The following GUCA2B variants were observed in gnomAD, a reference collection of about 807,000 sequenced individuals.
GUCA2B encodes prepro-uroguanylin.
Under a neutral mutation model 11.1 loss-of-function variants are expected in GUCA2B, and 7 were observed. That is an observed-to-expected ratio of 0.63 (90% CI 0.36 to 1.18). The LOEUF is 1.18. Ranked by LOEUF, GUCA2B falls within the 50% of genes most tolerant of loss-of-function variation. GUCA2B has a pLI of 0.02. For synonymous variants in GUCA2B, 69 were observed against 65.3 expected, an observed-to-expected ratio of 1.06 and a Z score of -0.27; for missense variants, 140 against 142.5, an observed-to-expected ratio of 0.98 and a Z score of 0.09.
Position 42,153,502 on chromosome 1 carries a change from C to T in GUCA2B, c.52C>T (p.Leu18=). ...CCTGCCAGGAGTGGCCGTGGTCCTCCTGCTGCTGCTGCAGAGCACACAGTC... is the reference window on the plus strand; with the variant it reads ...CCTGCCAGGAGTGGCCGTGGTCCTCTTGCTGCTGCTGCAGAGCACACAGTC... The part of the protein sequence containing the change: ...GLLPGVAVVL[L]LLLQSTQSVY... Residue 18 remains leucine (L), a synonymous_variant, in exon 1 of 3, where the codon CTG becomes TTG. Coordinates refer to ENST00000372581, the MANE Select transcript of GUCA2B (RefSeq NM_007102.3). The T allele has an allele frequency of 6.2e-7, 1 of 1,604,866 alleles. No homozygotes were observed. Among genetic ancestry groups the T allele is most frequent in the Non-Finnish European group, 8.5e-7 (1 of 1,173,498 alleles).
Position 42,154,838 on chromosome 1 carries a change from G to A in GUCA2B, c.249G>A (p.Gln83=). 1 of 1,613,680 alleles carries A rather than the reference G, an allele frequency of 6.2e-7. No homozygotes were observed. Among genetic ancestry groups the A allele is most frequent in the Non-Finnish European group, 8.5e-7 (1 of 1,179,784 alleles). Reference sequence around the variant, plus strand: ...ACCTTCAGCCTGTCTGCGCCTCGCAGGAGGCTTCCAGCATCTTCAAGACCC... The same window carrying A: ...ACCTTCAGCCTGTCTGCGCCTCGCAAGAGGCTTCCAGCATCTTCAAGACCC... ...PQDLQPVCAS[Q]EASSIFKTLR... The change falls in exon 2 of 3, where the codon CAG becomes CAA. Residue 83 remains glutamine (Q), a synonymous_variant. Transcript: ENST00000372581.
chr1:42,154,784 C>T lies in GUCA2B; in HGVS notation c.195C>T (p.Ala65=), dbSNP rs1015809527. 2.3e-5 allele frequency: 37 copies of T among 1,614,126 alleles called. No homozygotes were observed. The African/African-American group carries it at 2.9e-4, about 13-fold the overall frequency. Residue 65 remains alanine (A), a synonymous_variant, in exon 2 of 3, where the codon GCC becomes GCT. Coordinates refer to ENST00000372581, the MANE Select transcript of GUCA2B (RefSeq NM_007102.3). ...PRLQAQSLLP[A]VCHHPALPQD... ...TGCAGGCCCAGAGCCTCCTGCCCGC[C>T]GTGTGCCACCACCCTGCTCTGCCTC...
At position 42,155,779 on chromosome 1, in the gene GUCA2B, G is replaced by A. The variant is rs1646106830; in HGVS notation, c.*183G>A. The A allele has an allele frequency of 1.6e-6, 1 of 631,670 alleles. No individual in the cohort carries two copies. The highest frequency in any genetic ancestry group is 2.9e-6 in the Non-Finnish European group (1 of 348,842). 39.1% of individuals were successfully genotyped at this position (631,670 alleles called of 1,614,324 possible). ...ATCGGACATAGAGTTGGAGGGGGAGGCCCCTGAGGCAGCCCAGCTCCTGAA... is the reference window on the plus strand; with the variant it reads ...ATCGGACATAGAGTTGGAGGGGGAGACCCCTGAGGCAGCCCAGCTCCTGAA... On this transcript the variant is annotated 3_prime_UTR_variant, in exon 3 of 3. Transcript: ENST00000372581.
At chr1:42,154,147 C>T (rs753465770) in intron 1 of GUCA2B, among the ~76,000 whole-genome samples, 98 of 152,160 alleles carry the variant, frequency 6.4e-4, no homozygotes, top group Non-Finnish European at 1.0e-3. Flanking sequence ...CTGCTGGCCT[C>T]GCCCAGCATA....
Position 42,153,472 on chromosome 1 carries a change from G to T in GUCA2B, c.22G>T (p.Gly8Trp). The change falls in exon 1 of 3, where the codon GGG becomes TGG. Residue 8 changes from glycine (G) to tryptophan (W), a missense_variant. Coordinates refer to ENST00000372581, the MANE Select transcript of GUCA2B (RefSeq NM_007102.3). ...CGCGATGGGCTGCAGGGCTGCATCA[G>T]GGCTCCTGCCAGGAGTGGCCGTGGT... is the stretch of plus-strand genomic sequence containing the variant. MGCRAAS[G>W]LLPGVAVVLL... The T allele has an allele frequency of 6.2e-7, 1 of 1,612,302 alleles. No individual in the cohort carries two copies.
rs2124014241 is a variant in GUCA2B, at chr1:42,155,698, C to A, written c.*102C>A. Reference sequence around the variant, plus strand: ...TCCATGCTCAAGATGGGTCCCTGGCCACCATGGTCATCACCACCCTTCCAG... The same window carrying A: ...TCCATGCTCAAGATGGGTCCCTGGCAACCATGGTCATCACCACCCTTCCAG... On this transcript the variant is annotated 3_prime_UTR_variant, in exon 3 of 3. Coordinates refer to ENST00000372581, the MANE Select transcript of GUCA2B (RefSeq NM_007102.3). The A allele has an allele frequency of 1.1e-6, 1 of 884,682 alleles. No individual in the cohort carries two copies. The highest frequency in any genetic ancestry group is 1.9e-6 in the Non-Finnish European group (1 of 520,410). 54.8% of individuals were successfully genotyped at this position (884,682 alleles called of 1,614,324 possible). A position where few individuals can be genotyped will look rare whatever the true frequency, so the allele number is the denominator to read the frequency against.
intron 1 of GUCA2B, 145 bp downstream of exon 1, chr1:42,153,685 C>A (rs1569688661): frequency 4.9e-6 from 3 of 616,722 alleles, no homozygotes; most frequent in East Asian, 5.5e-5. Flanking sequence ...GCCCAGAGAC[C>A]AAGGCAGCTG....
chr1:42,155,259 T>C (rs534827555), intron 2 of GUCA2B, among the ~76,000 whole-genome samples: 7 of 152,322 alleles, frequency 4.6e-5, no homozygotes, highest in Non-Finnish European at 5.9e-5. Flanking sequence ...GAGCACCTAC[T>C]GTGTGCCGGG....
Position 42,153,558 on chromosome 1 carries a change from C to G in GUCA2B, c.90+18C>G, listed in dbSNP as rs542338728. The G allele has an allele frequency of 3.8e-6, 6 of 1,570,994 alleles. No individual in the cohort carries two copies. The highest frequency in any genetic ancestry group is 5.2e-6 in the Non-Finnish European group (6 of 1,143,392). On this transcript the variant is annotated intron_variant, in intron 1 of 2. Coordinates refer to ENST00000372581, the MANE Select transcript of GUCA2B (RefSeq NM_007102.3). ...ACATCCAGGTGAGTCCCTTGGCCAG[C>G]GTTCCCTTTGCCTGAAGGGCCCCAT...
In GUCA2B at chr1:42,155,740, T is replaced by C; in HGVS notation, c.*144T>C. 2 of 724,372 alleles carry C rather than the reference T, an allele frequency of 2.8e-6. No individual in the cohort carries two copies. The highest frequency in any genetic ancestry group is 5.0e-6 in the Non-Finnish European group (2 of 401,294). The allele number at this position is 724,372 out of a possible 1,614,324, so 44.9% of individuals were successfully genotyped here. On this transcript the variant is annotated 3_prime_UTR_variant, in exon 3 of 3. Transcript: ENST00000372581. ...CCCTTCCAGGGCCTGAGCAGCTGGA[T>C]CTGGTACAAAGCAATCGGACATAGA...
chr1:42,154,544 T>C (rs1358771041), intron 1 of GUCA2B, 136 bp from the exon 2 acceptor site: 9 of 714,132 alleles, frequency 1.3e-5, no homozygotes, highest in Non-Finnish European at 2.0e-5. Flanking sequence ...CTCTTTCCAG[T>C]GTGGCCCTGG....
rs55964622 is a variant in GUCA2B at position 42,153,894 on chromosome 1, A to T, written c.90+354A>T. Among the ~76,000 whole-genome samples, 904 of 152,272 alleles carry T rather than the reference A, an allele frequency of 5.9e-3. 8 individuals are homozygous for T. Among genetic ancestry groups the T allele is most frequent in the Non-Finnish European group, 9.9e-3 (671 of 68,016 alleles). On this transcript the variant is annotated intron_variant, in intron 1 of 2. Transcript: ENST00000372581. ...CTCCCACAGTTCCGTATATTCACCC[A>T]CATGTAGGTGGAGGAGGACAGGCTC...
intron 1 of GUCA2B, 31 bp from the exon 2 acceptor site, chr1:42,154,649 C>T (rs1646099737): frequency 1.9e-6 from 3 of 1,594,876 alleles, no homozygotes; most frequent in Admixed American, 3.3e-5. Flanking sequence ...CAGGTCTTGA[C>T]CTGCTCCTAT....
intron 1 of GUCA2B, among the ~76,000 whole-genome samples, chr1:42,153,877 G>A (rs1439424979): frequency 6.6e-6 from 1 of 152,212 alleles, no homozygotes; most frequent in East Asian, 1.9e-4. Flanking sequence ...TGCTCCCACA[G>A]TTCCGTATAT....
At position 42,153,538 on chromosome 1, in the gene GUCA2B, C is replaced by A. The variant is rs200093320; in HGVS notation, c.88C>A (p.Gln30Lys). ...LLQSTQSVYI[Q>K]YQGFRVQLES... ...GCAGAGCACACAGTCAGTCTACATC[C>A]AGGTGAGTCCCTTGGCCAGCGTTCC... Residue 30 changes from glutamine to lysine, a missense_variant and splice_region_variant, in exon 1 of 3, where the codon CAG (glutamine) becomes AAG (lysine). By Grantham distance (53) the Gln-to-Lys change is moderately conservative. Coordinates refer to ENST00000372581, the MANE Select transcript of GUCA2B (RefSeq NM_007102.3). 5.7e-5 allele frequency: 91 copies of A among 1,606,932 alleles called. 1 individual carries two copies. The East Asian group carries it at 1.9e-3, about 33-fold the overall frequency.
Position 42,153,927 on chromosome 1 carries a change from A to T in GUCA2B, c.90+387A>T, listed in dbSNP as rs956897175. On this transcript the variant is annotated intron_variant, in intron 1 of 2. Coordinates refer to ENST00000372581, the MANE Select transcript of GUCA2B (RefSeq NM_007102.3). ...GTGGAGGAGGACAGGCTCCAGAAAA[A>T]TTTTCCTGAGAAGTAACCCTTGAGC... Among the ~76,000 whole-genome samples, 55 of 152,026 alleles carry T rather than the reference A, an allele frequency of 3.6e-4. 1 individual carries two copies. The highest frequency in any genetic ancestry group is 2.0e-4 in the Admixed American group (3 of 15,284).
Position 42,155,757 on chromosome 1 carries a change from G to C in GUCA2B, c.*161G>C. The C allele has an allele frequency of 1.5e-6, 1 of 674,780 alleles. No individual in the cohort carries two copies. Among genetic ancestry groups the C allele is most frequent in the Non-Finnish European group, 2.7e-6 (1 of 371,888 alleles). The allele number at this position is 674,780 out of a possible 1,614,324, so 41.8% of individuals were successfully genotyped here. Reference sequence around the variant, plus strand: ...CAGCTGGATCTGGTACAAAGCAATCGGACATAGAGTTGGAGGGGGAGGCCC... The same window carrying C: ...CAGCTGGATCTGGTACAAAGCAATCCGACATAGAGTTGGAGGGGGAGGCCC... On this transcript the variant is annotated 3_prime_UTR_variant, in exon 3 of 3. Coordinates refer to ENST00000372581, the MANE Select transcript of GUCA2B (RefSeq NM_007102.3).
chr1:42,155,468 C>A, intron 2 of GUCA2B, 67 bp from the exon 3 acceptor site: 4 of 1,265,496 alleles, frequency 3.2e-6, no homozygotes, highest in Non-Finnish European at 4.6e-6. Flanking sequence ...CCCAAGCAGA[C>A]CTCTTCTGCT....
rs1646106255 is a variant in GUCA2B at position 42,155,697 on chromosome 1, C to T, written c.*101C>T. 2 of 892,556 alleles carry T rather than the reference C, an allele frequency of 2.2e-6. No individual in the cohort carries two copies. The highest frequency in any genetic ancestry group is 2.4e-5 in the East Asian group (1 of 41,530). 55.3% of individuals were successfully genotyped at this position (892,556 alleles called of 1,614,324 possible). A position where few individuals can be genotyped will look rare whatever the true frequency, so the allele number is the denominator to read the frequency against. On this transcript the variant is annotated 3_prime_UTR_variant, in exon 3 of 3. Coordinates refer to ENST00000372581, the MANE Select transcript of GUCA2B (RefSeq NM_007102.3). ...GTCCATGCTCAAGATGGGTCCCTGG[C>T]CACCATGGTCATCACCACCCTTCCA...
Sources: gnomAD v4.1 joint callset for allele counts (sites outside exome capture counted in the v4.1 genomes callset) on GRCh38, gnomAD v4.1.1 for gene constraint, MANE v1.5 for transcripts, NCBI Gene and HGNC (gene_info 2026-07-23, HGNC 2026-07-21) for gene names.